PTPRM: variants seen among roughly 807,000 people sequenced by gnomAD.
PTPRM encodes protein tyrosine phosphatase receptor type M, also known as receptor-type tyrosine-protein phosphatase mu.
Under a neutral mutation model 186.7 loss-of-function variants are expected in PTPRM, and 47 were observed. That is an observed-to-expected ratio of 0.25 (90% CI 0.20 to 0.32). The LOEUF (loss-of-function observed/expected upper bound fraction) is 0.32. PTPRM is among the 10% of genes least tolerant of loss of function. The pLI is 1.00. For missense variants in PTPRM, 1,494 were observed against 1,865.0 expected (o/e 0.80, Z 3.66); for synonymous variants, 668 against 674.9 (o/e 0.99, Z 0.16).
intron 3 of PTPRM, among the ~76,000 whole-genome samples, chr18:7,893,565 T>A (rs1440430976): frequency 6.6e-6 from 1 of 152,196 alleles, no homozygotes; most frequent in Admixed American, 6.5e-5. Context: ...GCAGGTGGGC[T>A]ACTACCAACT....
At chr18:7,702,073 C>A (rs963342368) in intron 1 of PTPRM, among the ~76,000 whole-genome samples, 3 of 152,092 alleles carry the variant, frequency 2.0e-5, no homozygotes, top group Non-Finnish European at 4.4e-5. Context: ...GTATATGTGC[C>A]ACATTTTCTT....
chr18:8,132,986 G>A (rs1191082605), intron 13 of PTPRM, among the ~76,000 whole-genome samples: 2 of 152,092 alleles, frequency 1.3e-5, no homozygotes, highest in South Asian at 2.1e-4. Flanking sequence ...TTGACTCATG[G>A]TTCTGGAGGC....
chr18:8,204,280 T>C (rs2093896405), intron 14 of PTPRM, among the ~76,000 whole-genome samples: 1 of 152,096 alleles, frequency 6.6e-6, no homozygotes, highest in Non-Finnish European at 1.5e-5. Flanking sequence ...TACCATACTT[T>C]GGGAGGTATT....
intron 20 of PTPRM, among the ~76,000 whole-genome samples, chr18:8,301,351 C>T (rs997948241): frequency 6.6e-5 from 10 of 152,254 alleles, no homozygotes; most frequent in Non-Finnish European, 1.2e-4. Context: ...CCACCATTAC[C>T]GCCCCTCCAC....
intron 19 of PTPRM, among the ~76,000 whole-genome samples, chr18:8,290,005 C>T (rs1252338487): frequency 6.6e-6 from 1 of 152,162 alleles, no homozygotes; most frequent in Non-Finnish European, 1.5e-5. Flanking sequence ...GTGACCATTG[C>T]CATCACTGTG....
chr18:8,377,153 A>T (rs1341474604), intron 26 of PTPRM: 1 of 152,668 alleles, frequency 6.6e-6, no homozygotes, highest in East Asian at 1.9e-4. Flanking sequence ...TTTCAGAAGC[A>T]ATGTTACATC....
chr18:7,635,910 A>G (rs2038301176), intron 1 of PTPRM, among the ~76,000 whole-genome samples: 1 of 152,220 alleles, frequency 6.6e-6, no homozygotes, highest in Non-Finnish European at 1.5e-5. Context: ...CACTTCCACT[A>G]CATTTGATAG....
intron 21 of PTPRM, among the ~76,000 whole-genome samples, chr18:8,316,091 A>G (rs757182707): frequency 6.6e-6 from 1 of 152,116 alleles, no homozygotes; most frequent in Non-Finnish European, 1.5e-5. Flanking sequence ...CAGTCTCCCA[A>G]CTCAGAAGCT....
At chr18:8,257,263 A>G (rs2094583390) in intron 19 of PTPRM, among the ~76,000 whole-genome samples, 1 of 152,174 alleles carries the variant, frequency 6.6e-6, no homozygotes. Flanking sequence ...CTCTGAGGAA[A>G]TGGCAGGAGT....
chr18:7,746,536 G>T (rs1363009423), intron 1 of PTPRM, among the ~76,000 whole-genome samples: 1 of 151,982 alleles, frequency 6.6e-6, no homozygotes, highest in East Asian at 1.9e-4. Context: ...TGCGATCTTG[G>T]CTCACTGCAA....
At chr18:8,173,031 G>T (rs910272480) in intron 14 of PTPRM, among the ~76,000 whole-genome samples, 1 of 152,174 alleles carries the variant, frequency 6.6e-6, no homozygotes, top group African/African-American at 2.4e-5. Flanking sequence ...TCAGTTCAGG[G>T]ATTAGGAGTG....
intron 14 of PTPRM, among the ~76,000 whole-genome samples, chr18:8,147,414 C>T (rs1008837230): frequency 7.2e-5 from 11 of 152,034 alleles, no homozygotes; most frequent in South Asian, 6.2e-4. Context: ...ATAGCAATTG[C>T]GAATGGGAGT....
At chr18:7,875,836 T>C (rs1475031189) in intron 2 of PTPRM, among the ~76,000 whole-genome samples, 2 of 152,108 alleles carry the variant, frequency 1.3e-5, no homozygotes, top group African/African-American at 4.8e-5. Flanking sequence ...GTCAGGCGAT[T>C]TTTTTTCATT....
chr18:7,660,465 A>T (rs1158214221), intron 1 of PTPRM, among the ~76,000 whole-genome samples: 1 of 151,996 alleles, frequency 6.6e-6, no homozygotes, highest in Non-Finnish European at 1.5e-5. Flanking sequence ...CTTTTGGGGA[A>T]CCCCTTCCCA....
chr18:7,818,300 A>G (rs2044965393), intron 2 of PTPRM, among the ~76,000 whole-genome samples: 2 of 152,182 alleles, frequency 1.3e-5, no homozygotes, highest in Admixed American at 6.5e-5. Context: ...TGGCCTCTCC[A>G]TGAGAGCTTT....
intron 14 of PTPRM, among the ~76,000 whole-genome samples, chr18:8,231,453 G>T (rs1232579854): frequency 6.6e-6 from 1 of 152,152 alleles, no homozygotes; most frequent in Non-Finnish European, 1.5e-5. Context: ...GCAGCAATTT[G>T]TCCTGCAGCT....
rs182895013 is a variant in PTPRM, at chr18:7,707,572, G to A, written c.74-66577G>A. Reference sequence around the variant, plus strand: ...GGGGATTGCTTGAGCCCAGGAATTCGAGGCTACGGTGGGCTATGATCATGC... The same window carrying A: ...GGGGATTGCTTGAGCCCAGGAATTCAAGGCTACGGTGGGCTATGATCATGC... On this transcript the variant is annotated intron_variant, in intron 1 of 32. Transcript: ENST00000580170. Among the ~76,000 whole-genome samples, 555 of 152,176 alleles carry A rather than the reference G, an allele frequency of 3.6e-3. 3 individuals are homozygous for A. The highest frequency in any genetic ancestry group is 0.01 in the Middle Eastern group (3 of 294).
chr18:7,656,077 T>C (rs556213213), intron 1 of PTPRM, among the ~76,000 whole-genome samples: 71 of 152,276 alleles, frequency 4.7e-4, no homozygotes, highest in African/African-American at 1.7e-3. Context: ...CACTTCAGTA[T>C]ATATACCCAA....
intron 22 of PTPRM, among the ~76,000 whole-genome samples, chr18:8,332,058 T>A (rs767926194): frequency 4.6e-5 from 7 of 152,180 alleles, no homozygotes; most frequent in Non-Finnish European, 8.8e-5. Context: ...CACAGGGGTG[T>A]TTTAGAGAGG....
Sources: gnomAD v4.1 joint callset for allele counts (sites outside exome capture counted in the v4.1 genomes callset) on GRCh38, gnomAD v4.1.1 for gene constraint, MANE v1.5 for transcripts, NCBI Gene and HGNC (gene_info 2026-07-23, HGNC 2026-07-21) for gene names.